Variants in FOCAD observed in about 807,000 individuals in gnomAD.
The protein encoded by FOCAD is focadhesin.
In FOCAD, 198 loss-of-function variants were observed where a neutral mutation model predicts 225.6. The ratio of observed to expected loss-of-function variants is 0.88; its 90% CI spans 0.78 to 0.99. The LOEUF (loss-of-function observed/expected upper bound fraction) is 0.99, where lower values mean the gene tolerates loss of function less well. Ranked by LOEUF, FOCAD falls within the 50% of genes least tolerant of loss-of-function variation. The pLI, the probability that FOCAD is intolerant of heterozygous loss-of-function variation, is 0.00. For missense variants in FOCAD, 2,713 were observed against 2,123.6 expected (o/e 1.28, Z -5.46); for synonymous variants, 897 against 755.0 (o/e 1.19, Z -3.08).
At chr9:20,830,289 T>C (rs1017230598) in intron 15 of FOCAD, among the ~76,000 whole-genome samples, 8 of 152,116 alleles carry the variant, frequency 5.3e-5, no homozygotes, top group African/African-American at 1.9e-4. Flanking sequence ...AAGGTCTTAA[T>C]GAAAAAGATG....
At chr9:20,827,799 A>C (rs1331053939) in intron 15 of FOCAD, among the ~76,000 whole-genome samples, 1 of 152,144 alleles carries the variant, frequency 6.6e-6, no homozygotes, top group Non-Finnish European at 1.5e-5. Flanking sequence ...GAAGGTATGT[A>C]TGAACAGGTT....
intron 15 of FOCAD, among the ~76,000 whole-genome samples, chr9:20,827,087 A>G (rs539166310): frequency 6.6e-6 from 1 of 152,224 alleles, no homozygotes; most frequent in Non-Finnish European, 1.5e-5. Context: ...AATGTATATA[A>G]TTTAATGAGT....
intron 24 of FOCAD, among the ~76,000 whole-genome samples, chr9:20,919,723 A>G (rs1324218997): frequency 1.3e-5 from 2 of 152,210 alleles, no homozygotes; most frequent in Admixed American, 6.5e-5. Flanking sequence ...AGGATTCCCT[A>G]TTTCATAAAT....
At position 20,904,129 on chromosome 9, in the gene FOCAD, A is replaced by T. The variant is rs145095722; in HGVS notation, c.2626-3021A>T. On this transcript the variant is annotated intron_variant, in intron 21 of 43. Transcript: ENST00000338382. ...CTGAATAATATTTCATTATATGCAT[A>T]TTACATATTTTATTCTTCTAGTTTT... Among the ~76,000 whole-genome samples, 340 of 152,000 alleles carry T rather than the reference A, an allele frequency of 2.2e-3. 9 individuals carry two copies. The East Asian group carries it at 0.044, about 20-fold the overall frequency.
chr9:20,979,462 T>A (rs1350233066), intron 37 of FOCAD, among the ~76,000 whole-genome samples: 1 of 152,094 alleles, frequency 6.6e-6, no homozygotes, highest in African/African-American at 2.4e-5. Flanking sequence ...CCTCAGCCTC[T>A]CAAGTAGCTG....
In FOCAD at chr9:20,844,349, C is replaced by CTTTTTTTTTTT. The variant is rs58468376; in HGVS notation, c.1921-18213_1921-18203dup. On this transcript the variant is annotated intron_variant, in intron 15 of 43. Coordinates refer to ENST00000338382, the MANE Select transcript of FOCAD (RefSeq NM_001375567.1). ...ATGGTTCTAACCCTCAGGAAATTTC[C>CTTTTTTTTTTT]TTTTTTTTTTTTTTTTTTTTTTTTT... Among the ~76,000 whole-genome samples the CTTTTTTTTTTT allele has an allele frequency of 1.4e-4, 11 of 77,256 alleles. 1 individual carries two copies. Among genetic ancestry groups the CTTTTTTTTTTT allele is most frequent in the South Asian group, 5.8e-4 (1 of 1,730 alleles). The allele number at this position is 77,256 out of a possible 152,430, so 50.7% of individuals were successfully genotyped here. A position where few individuals can be genotyped will look rare whatever the true frequency, so the allele number is the denominator to read the frequency against.
At chr9:20,921,374 A>G (rs1361498335) in intron 24 of FOCAD, among the ~76,000 whole-genome samples, 1 of 152,232 alleles carries the variant, frequency 6.6e-6, no homozygotes, top group Non-Finnish European at 1.5e-5. Context: ...GTGGAAGCTG[A>G]CATGTTATTA....
At chr9:20,782,013 G>A (rs1819429709) in intron 10 of FOCAD, 84 bp downstream of exon 10, 1 of 1,169,512 alleles carries the variant, frequency 8.6e-7, no homozygotes, top group Non-Finnish European at 1.3e-6. Flanking sequence ...TCCTGATGAA[G>A]CATCTGTTTG....
intron 2 of FOCAD, among the ~76,000 whole-genome samples, chr9:20,715,881 T>C (rs1825291430): frequency 6.6e-6 from 1 of 152,218 alleles, no homozygotes; most frequent in Non-Finnish European, 1.5e-5. Flanking sequence ...TTGTGATAAC[T>C]TTAAAGAGCT....
At chr9:20,674,560 AC>A (rs916675183) in intron 2 of FOCAD, among the ~76,000 whole-genome samples, 2 of 152,186 alleles carry the variant, frequency 1.3e-5, no homozygotes, top group Non-Finnish European at 2.9e-5. Flanking sequence ...ACCCCTAGCA[AC>A]CCTTGCTGAG....
Position 20,770,082 on chromosome 9 carries a change from A to C in FOCAD, c.750A>C (p.Val250=). The C allele has an allele frequency of 6.2e-7, 1 of 1,614,098 alleles. No homozygotes were observed. Among genetic ancestry groups the C allele is most frequent in the Non-Finnish European group, 8.5e-7 (1 of 1,179,978 alleles). ...TTEAMMFIEE[V]CLSLLRHPVF... is the part of the protein sequence containing the mutation. ...AGGCGATGATGTTTATTGAGGAAGT[A>C]TGTTTAAGCCTTTTGCGTCATCCTG... Residue 250 remains valine, a synonymous_variant, in exon 8 of 44, where the codon GTA becomes GTC. Coordinates refer to ENST00000338382, the MANE Select transcript of FOCAD (RefSeq NM_001375567.1).
intron 1 of FOCAD, among the ~76,000 whole-genome samples, chr9:20,698,029 G>A (rs1358287608): frequency 6.6e-6 from 1 of 152,120 alleles, no homozygotes; most frequent in African/African-American, 2.4e-5. Context: ...GACTTTTTTT[G>A]CCTTGGCGTG....
At chr9:20,992,405 A>G (rs1841747144) in intron 42 of FOCAD, among the ~76,000 whole-genome samples, 1 of 152,138 alleles carries the variant, frequency 6.6e-6, no homozygotes, top group Admixed American at 6.5e-5. Context: ...GGGGGCTTAT[A>G]TCTGATGTGT....
chr9:20,887,651 AC>A (rs1831214323), intron 21 of FOCAD, among the ~76,000 whole-genome samples: 1 of 152,220 alleles, frequency 6.6e-6, no homozygotes, highest in Non-Finnish European at 1.5e-5. Flanking sequence ...ACATTCTCAT[AC>A]AGATCCCTGT....
intron 9 of FOCAD, among the ~76,000 whole-genome samples, chr9:20,780,223 G>T (rs1819232308): frequency 6.6e-6 from 1 of 152,106 alleles, no homozygotes; most frequent in Non-Finnish European, 1.5e-5. Context: ...TTCACCCTCA[G>T]CTCCAGAGAA....
At chr9:20,828,709 T>G (rs934197642) in intron 15 of FOCAD, among the ~76,000 whole-genome samples, 4 of 152,082 alleles carry the variant, frequency 2.6e-5, no homozygotes, top group Non-Finnish European at 5.9e-5. Context: ...GCCATGGTGG[T>G]TTGCTGCACC....
chr9:20,877,800 C>G (rs1830349278), intron 19 of FOCAD, among the ~76,000 whole-genome samples: 1 of 152,118 alleles, frequency 6.6e-6, no homozygotes, highest in Non-Finnish European at 1.5e-5. Flanking sequence ...ATTCCAGCTA[C>G]TTGGGAGGCT....
intron 11 of FOCAD, among the ~76,000 whole-genome samples, chr9:20,798,230 G>A (rs527517216): frequency 8.5e-5 from 13 of 152,254 alleles, no homozygotes; most frequent in South Asian, 6.2e-4. Flanking sequence ...TTTTTGATGC[G>A]CTGCTGGATT....
chr9:20,938,896 C>T (rs1170923611), intron 28 of FOCAD, among the ~76,000 whole-genome samples: 1 of 151,308 alleles, frequency 6.6e-6, no homozygotes, highest in Non-Finnish European at 1.5e-5. Flanking sequence ...TGTATTATTA[C>T]CACTGAACTG....
Sources: allele counts gnomAD v4.1 joint callset (sites outside exome capture counted in the v4.1 genomes callset), GRCh38; gene constraint gnomAD v4.1.1; transcripts MANE v1.5; gene names NCBI Gene and HGNC (gene_info 2026-07-23, HGNC 2026-07-21).